CDH4: variants seen among roughly 807,000 people sequenced by gnomAD.
CDH4 encodes the protein cadherin 4, also known as cadherin-4.
A neutral mutation model predicts 86.0 loss-of-function variants in CDH4; 33 were observed. The observed-to-expected ratio is 0.38, with a 90% CI of 0.29 to 0.51. The LOEUF (loss-of-function observed/expected upper bound fraction) is 0.51, where lower values mean the gene tolerates loss of function less well. Ranked by LOEUF, CDH4 falls within the 20% of genes least tolerant of loss-of-function variation. The pLI, the probability that CDH4 is intolerant of heterozygous loss-of-function variation, is 0.86. For missense variants in CDH4, 1,114 were observed against 1,307.4 expected, an observed-to-expected ratio of 0.85 and a Z score of 2.28; for synonymous variants, 555 against 549.4, an observed-to-expected ratio of 1.01 and a Z score of -0.14.
At chr20:61,661,744 G>T (rs1300477997) in intron 2 of CDH4, among the ~76,000 whole-genome samples, 4 of 152,016 alleles carry the variant, frequency 2.6e-5, no homozygotes, top group African/African-American at 9.7e-5. Context: ...TTCCACTTTG[G>T]GTCTGGACTG....
chr20:61,770,187 C>G (rs935738209), intron 3 of CDH4, among the ~76,000 whole-genome samples: 3 of 152,148 alleles, frequency 2.0e-5, no homozygotes, highest in African/African-American at 7.2e-5. Flanking sequence ...GAAGTCGAGA[C>G]CCCTGGGTCT....
intron 2 of CDH4, chr20:61,436,520 G>A (rs934564844): frequency 6.6e-6 from 1 of 152,280 alleles, no homozygotes; most frequent in African/African-American, 2.4e-5. Context: ...AGAACGCATA[G>A]GGTGAGGTCT....
At chr20:61,878,144 G>A (rs938742812) in intron 7 of CDH4, among the ~76,000 whole-genome samples, 2 of 152,298 alleles carry the variant, frequency 1.3e-5, no homozygotes, top group Non-Finnish European at 2.9e-5. Flanking sequence ...TGGCCATGGC[G>A]TCCTCATTTC....
At chr20:61,384,704 A>T (rs112932143) in intron 2 of CDH4, among the ~76,000 whole-genome samples, 1 of 152,148 alleles carries the variant, frequency 6.6e-6, no homozygotes, top group East Asian at 1.9e-4. Context: ...AATCCTACCC[A>T]TTAAGTTTTA....
In CDH4 at chr20:61,377,873, CG is replaced by C. The variant is rs2084880727; in HGVS notation, c.169+122940del. On this transcript the variant is annotated intron_variant, in intron 2 of 15. Coordinates refer to ENST00000614565, the MANE Select transcript of CDH4 (RefSeq NM_001794.5). This position sits in a 1 kb window ranked among gnomAD's most constrained non-coding sequence, Gnocchi z 4.0. ...AGATCAATGCAGCCCTGCCAATTAG[CG>C]GGGAATTAGCTCACACATCCCTTCA... 6.6e-6 allele frequency among the ~76,000 whole-genome samples: 1 copy of C among 152,304 alleles called. No homozygotes were observed.
rs1367281800 is a variant in CDH4 at position 61,773,068 on chromosome 20, G to A, written c.462G>A (p.Pro154=). ...PSPPPKDTLL[P]WPQHQNANGL... ...CGCCTCCGAAGGACACCCTGCTGCCGTGGCCCCAGCACCAGAACGCCAACG... is the reference window on the plus strand; with the variant it reads ...CGCCTCCGAAGGACACCCTGCTGCCATGGCCCCAGCACCAGAACGCCAACG... Residue 154 remains proline, a synonymous_variant, in exon 4 of 16, where the codon CCG becomes CCA. Transcript: ENST00000614565. 3 of 1,613,686 alleles carry A rather than the reference G, an allele frequency of 1.9e-6. No homozygotes were observed. Among genetic ancestry groups the A allele is most frequent in the Non-Finnish European group, 2.5e-6 (3 of 1,179,920 alleles).
At chr20:61,722,080 G>A (rs890966004) in intron 2 of CDH4, among the ~76,000 whole-genome samples, 38 of 152,312 alleles carry the variant, frequency 2.5e-4, no homozygotes, top group Admixed American at 2.2e-3. Context: ...AGAGATTTAG[G>A]AAGCCTTTGC....
chr20:61,765,557 G>A (rs547529116), intron 3 of CDH4, among the ~76,000 whole-genome samples: 140 of 152,342 alleles, frequency 9.2e-4, no homozygotes, highest in African/African-American at 3.2e-3. Context: ...GCCTTAGGGC[G>A]TAAGGAGAGC....
intron 2 of CDH4, among the ~76,000 whole-genome samples, chr20:61,459,507 C>T (rs1232142316): frequency 6.8e-6 from 1 of 147,750 alleles, no homozygotes; most frequent in African/African-American, 2.5e-5. Flanking sequence ...ATTCACCAAG[C>T]TCTCGGAGGA....
intron 2 of CDH4, among the ~76,000 whole-genome samples, chr20:61,343,995 G>T (rs747665147): frequency 2.0e-5 from 3 of 152,138 alleles, no homozygotes; most frequent in Admixed American, 2.0e-4. Context: ...TTGTACCTAC[G>T]TGAAGAATGA....
At chr20:61,683,372 C>G (rs2087539066) in intron 2 of CDH4, among the ~76,000 whole-genome samples, 1 of 152,216 alleles carries the variant, frequency 6.6e-6, no homozygotes, top group Admixed American at 6.5e-5. Flanking sequence ...CAAAGAAAGT[C>G]TCCAGCAAAA....
intron 4 of CDH4, among the ~76,000 whole-genome samples, chr20:61,791,477 T>C (rs936113019): frequency 1.3e-5 from 2 of 152,252 alleles, no homozygotes; most frequent in Non-Finnish European, 2.9e-5. Context: ...CACCCGGTCA[T>C]GGATGAGACG....
In CDH4 at chr20:61,383,224, TTA is replaced by T. The variant is rs1274901383; in HGVS notation, c.169+128295_169+128296del. Among the ~76,000 whole-genome samples, 16 of 63,388 alleles carry T rather than the reference TTA, an allele frequency of 2.5e-4. 2 individuals carry two copies. The highest frequency in any genetic ancestry group is 8.7e-4 in the African/African-American group (12 of 13,838). The allele number at this position is 63,388 out of a possible 152,430, so 41.6% of individuals were successfully genotyped here. Reference sequence around the variant, plus strand: ...TTATATATGAATATATATGAATATATTATATATATGAATATATATGATTATAT... The same window carrying T: ...TTATATATGAATATATATGAATATATTATATATGAATATATATGATTATAT... On this transcript the variant is annotated intron_variant, in intron 2 of 15. Transcript: ENST00000614565.
chr20:61,416,614 A>G (rs553279801), intron 2 of CDH4, among the ~76,000 whole-genome samples: 1 of 152,318 alleles, frequency 6.6e-6, no homozygotes, highest in Non-Finnish European at 1.5e-5. Flanking sequence ...TTAATCAGGT[A>G]TTTTACATGG....
intron 4 of CDH4, among the ~76,000 whole-genome samples, chr20:61,825,471 A>G (rs150706707): frequency 1.5e-3 from 234 of 152,228 alleles, no homozygotes; most frequent in African/African-American, 5.4e-3. Context: ...TTGCCCCAAC[A>G]CCAAGCTCAC....
At chr20:61,830,744 C>T (rs988481100) in intron 4 of CDH4, among the ~76,000 whole-genome samples, 7 of 152,264 alleles carry the variant, frequency 4.6e-5, no homozygotes, top group Non-Finnish European at 5.9e-5. Context: ...CAGGAGCGGG[C>T]GGCGCTGGCT....
In CDH4 at chr20:61,777,703, AAC is replaced by A. The variant is rs1023171230; in HGVS notation, c.576+4528_576+4529del. Among the ~76,000 whole-genome samples, 13 of 141,374 alleles carry A rather than the reference AAC, an allele frequency of 9.2e-5. 1 individual carries two copies. Among genetic ancestry groups the A allele is most frequent in the African/African-American group, 1.6e-4 (6 of 36,736 alleles). The allele number at this position is 141,374 out of a possible 152,430, so 92.7% of individuals were successfully genotyped here. A position where few individuals can be genotyped will look rare whatever the true frequency, so the allele number is the denominator to read the frequency against. Reference sequence around the variant, plus strand: ...ATACGCGCACACACGTGCATACAAAAACACACACCCACATGCGTGCACACGTG... The same window carrying A: ...ATACGCGCACACACGTGCATACAAAAACACACCCACATGCGTGCACACGTG... On this transcript the variant is annotated intron_variant, in intron 4 of 15. Coordinates refer to ENST00000614565, the MANE Select transcript of CDH4 (RefSeq NM_001794.5).
At chr20:61,281,976 G>C (rs1223034419) in intron 2 of CDH4, among the ~76,000 whole-genome samples, 2 of 152,204 alleles carry the variant, frequency 1.3e-5, no homozygotes, top group East Asian at 1.9e-4. Context: ...CAGCACACTG[G>C]GGGTTGGGCC....
chr20:61,365,193 A>G (rs1214793083), intron 2 of CDH4, among the ~76,000 whole-genome samples: 1 of 152,242 alleles, frequency 6.6e-6, no homozygotes, highest in East Asian at 1.9e-4. Flanking sequence ...TCATGGGGGC[A>G]GAAATGGTTT....
Sources: allele counts gnomAD v4.1 joint callset (sites outside exome capture counted in the v4.1 genomes callset), GRCh38; gene constraint gnomAD v4.1.1; non-coding constraint Gnocchi (gnomAD v3.1); transcripts MANE v1.5; gene names NCBI Gene and HGNC (gene_info 2026-07-23, HGNC 2026-07-21).